Variants in ITIH5 observed in about 807,000 individuals in gnomAD.
ITIH5 encodes the protein inter-alpha-trypsin inhibitor heavy chain H5.
Under a neutral mutation model 77.5 loss-of-function variants are expected in ITIH5, and 65 were observed. That is an observed-to-expected ratio of 0.84 (90% CI 0.69 to 1.03). The LOEUF (loss-of-function observed/expected upper bound fraction) is 1.03, where lower values mean the gene tolerates loss of function less well. ITIH5 is among the 50% of genes least tolerant of loss of function. The pLI, the probability that ITIH5 is intolerant of heterozygous loss-of-function variation, is 0.00. For synonymous variants in ITIH5, 525 were observed against 494.3 expected (o/e 1.06, Z -0.82); for missense variants, 1,208 against 1,213.1 (o/e 1.00, Z 0.06).
intron 7 of ITIH5, among the ~76,000 whole-genome samples, chr10:7,587,939 CT>C (rs1832715861): frequency 1.3e-5 from 2 of 152,206 alleles, no homozygotes; most frequent in African/African-American, 4.8e-5. Context: ...CTTTCGTATC[CT>C]TTCCCTCTGG....
At chr10:7,566,619 A>G (rs1251823554) in intron 12 of ITIH5, among the ~76,000 whole-genome samples, 3 of 149,524 alleles carry the variant, frequency 2.0e-5, no homozygotes, top group Non-Finnish European at 3.0e-5. Context: ...CAGCTAGTTC[A>G]CTTGAGCCCA....
intron 10 of ITIH5, among the ~76,000 whole-genome samples, chr10:7,576,090 T>A (rs993634707): frequency 2.0e-5 from 3 of 152,176 alleles, no homozygotes; most frequent in Non-Finnish European, 4.4e-5. Flanking sequence ...AATGGTACGA[T>A]CATGGCTCAC....
At chr10:7,585,596 T>C (rs942375975) in intron 8 of ITIH5, among the ~76,000 whole-genome samples, 3 of 152,142 alleles carry the variant, frequency 2.0e-5, no homozygotes, top group African/African-American at 7.2e-5. Flanking sequence ...AAAAACAGTA[T>C]TGTTTTTGTA....
intron 7 of ITIH5, among the ~76,000 whole-genome samples, chr10:7,601,490 G>A (rs1396745663): frequency 1.3e-5 from 2 of 152,168 alleles, no homozygotes; most frequent in East Asian, 3.9e-4. Flanking sequence ...TGCTTTGCCA[G>A]GCTGTCTCTC....
chr10:7,575,663 C>T (rs1278058300), intron 10 of ITIH5, among the ~76,000 whole-genome samples: 1 of 152,104 alleles, frequency 6.6e-6, no homozygotes, highest in African/African-American at 2.4e-5. Context: ...CAGAGACTGA[C>T]ATGGAAAGAC....
In ITIH5 at chr10:7,597,044, C is replaced by CAAAAAAAAAAAA. The variant is rs71383924; in HGVS notation, c.940-10987_940-10976dup. 1.9e-4 allele frequency among the ~76,000 whole-genome samples: 7 copies of CAAAAAAAAAAAA among 36,916 alleles called. 2 individuals carry two copies. The highest frequency in any genetic ancestry group is 2.5e-4 in the Non-Finnish European group (4 of 15,938). 24.2% of individuals were successfully genotyped at this position (36,916 alleles called of 152,430 possible). On this transcript the variant is annotated intron_variant, in intron 7 of 13. Transcript: ENST00000397146. The stretch of plus-strand genomic sequence containing the variant: ...CTGGGTGCAGAGTGAGTCTCCAACT[C>CAAAAAAAAAAAA]AAAAAAAAAAAAAAAAAAAATTCCA...
chr10:7,572,219 T>C, intron 11 of ITIH5: 1 of 1,267,392 alleles, frequency 7.9e-7, no homozygotes, highest in Non-Finnish European at 1.0e-6. Flanking sequence ...AACTTGCACG[T>C]ACAGCACAGC....
At chr10:7,585,741 G>A (rs1832659330) in intron 8 of ITIH5, among the ~76,000 whole-genome samples, 160 bp downstream of exon 8, 2 of 149,694 alleles carry the variant, frequency 1.3e-5, no homozygotes, top group Admixed American at 1.3e-4. Context: ...TTGGTATTCC[G>A]AGCAACCTAA....
At chr10:7,579,469 G>A (rs1460117762) in intron 9 of ITIH5, among the ~76,000 whole-genome samples, 2 of 151,902 alleles carry the variant, frequency 1.3e-5, no homozygotes, top group South Asian at 2.1e-4. Flanking sequence ...AGGTTGCAGT[G>A]AGCTGAGATC....
At chr10:7,580,732 G>A (rs941981137) in intron 8 of ITIH5, among the ~76,000 whole-genome samples, 7 of 152,180 alleles carry the variant, frequency 4.6e-5, no homozygotes, top group Non-Finnish European at 5.9e-5. Flanking sequence ...GGCATGGAAC[G>A]AAGAGGAGGA....
chr10:7,666,746 C>G, intron 1 of ITIH5, 57 bp downstream of exon 1: 1 of 1,440,008 alleles, frequency 6.9e-7, no homozygotes, highest in Non-Finnish European at 9.6e-7. Context: ...GCGGCCGGGC[C>G]GGCGGAGGGA....
intron 11 of ITIH5, among the ~76,000 whole-genome samples, chr10:7,572,562 C>T (rs556766121): frequency 2.6e-5 from 4 of 152,202 alleles, no homozygotes; most frequent in Admixed American, 2.0e-4. Flanking sequence ...TGTGCCTCTG[C>T]CACCCATCTA....
At position 7,640,804 on chromosome 10, in the gene ITIH5, C is replaced by T. The variant is rs770661698; in HGVS notation, c.351G>A (p.Lys117=). ...TTTTCTCTTTTACCCTATCACCACT[C>T]TTCTTTTCTCTCTCTGTAATTTCGC... ...YQGEITEREK[K]SGDRVKEKRN... is the part of the protein sequence containing the mutation. The change falls in exon 4 of 14, where the codon AAG becomes AAA. Residue 117 remains lysine, a synonymous_variant. Coordinates refer to ENST00000397146, the MANE Select transcript of ITIH5 (RefSeq NM_030569.7). 1 of 1,613,406 alleles carries T rather than the reference C, an allele frequency of 6.2e-7. No individual in the cohort carries two copies. The highest frequency in any genetic ancestry group is 8.5e-7 in the Non-Finnish European group (1 of 1,179,366).
At chr10:7,660,431 C>T (rs1834258401) in intron 1 of ITIH5, among the ~76,000 whole-genome samples, 2 of 152,172 alleles carry the variant, frequency 1.3e-5, no homozygotes, top group Non-Finnish European at 2.9e-5. Flanking sequence ...CTGCCTCTAA[C>T]ACAAATGGAC....
intron 1 of ITIH5, among the ~76,000 whole-genome samples, chr10:7,659,175 G>A (rs1421771417): frequency 2.0e-5 from 3 of 152,084 alleles, no homozygotes; most frequent in African/African-American, 4.8e-5. Flanking sequence ...TCAAGAGTTC[G>A]AAACCAACCT....
Position 7,576,718 on chromosome 10 carries a change from G to T in ITIH5, c.1713C>A (p.Asn571Lys), listed in dbSNP as rs370440040. The T allele has an allele frequency of 1.4e-5, 22 of 1,613,954 alleles. No homozygotes were observed. The Admixed American group carries it at 3.3e-4, about 24-fold the overall frequency. Reference protein sequence around the residue: ...RPGGDGEGDTNHIERLWSYLT... With the variant: ...RPGGDGEGDTKHIERLWSYLT... Reference sequence around the variant, plus strand: ...GGTAGCTCCAGAGACGCTCGATGTGGTTGGTGTCCCCCTCTCCATCGCCTC... The same window carrying T: ...GGTAGCTCCAGAGACGCTCGATGTGTTTGGTGTCCCCCTCTCCATCGCCTC... Residue 571 changes from asparagine (N) to lysine (K), a missense_variant, in exon 10 of 14, where the codon AAC becomes AAA. Asn to Lys is a moderately conservative substitution (Grantham distance 94). Coordinates refer to ENST00000397146, the MANE Select transcript of ITIH5 (RefSeq NM_030569.7).
At chr10:7,583,821 G>A (rs1832617821) in intron 8 of ITIH5, among the ~76,000 whole-genome samples, 1 of 152,186 alleles carries the variant, frequency 6.6e-6, no homozygotes. Context: ...AGCCACCAGA[G>A]GCCCTGCAGG....
At chr10:7,604,964 G>A (rs1418613955) in intron 7 of ITIH5, among the ~76,000 whole-genome samples, 1 of 152,028 alleles carries the variant, frequency 6.6e-6, no homozygotes, top group Non-Finnish European at 1.5e-5. Flanking sequence ...TGGGATGATA[G>A]GTGCCCACCA....
At chr10:7,627,252 A>G (rs1022567898) in intron 5 of ITIH5, among the ~76,000 whole-genome samples, 5 of 151,462 alleles carry the variant, frequency 3.3e-5, no homozygotes, top group Admixed American at 6.6e-5. Flanking sequence ...ATGTATACCT[A>G]TGTAACAAAC....
Sources: gnomAD v4.1 joint callset for allele counts (sites outside exome capture counted in the v4.1 genomes callset) on GRCh38, gnomAD v4.1.1 for gene constraint, MANE v1.5 for transcripts, NCBI Gene and HGNC (gene_info 2026-07-23, HGNC 2026-07-21) for gene names.